CD163: variants seen among roughly 807,000 people sequenced by gnomAD.
CD163 encodes the protein CD163 molecule.
CD163 carries 64 observed loss-of-function variants against 129.2 expected under a neutral mutation model. The observed-to-expected ratio is 0.50, with a 90% CI of 0.41 to 0.61. The LOEUF (loss-of-function observed/expected upper bound fraction) is 0.61. Ranked by LOEUF, CD163 falls within the 20% of genes least tolerant of loss-of-function variation. The probability of loss-of-function intolerance (pLI) is 0.00; values close to 1 mark genes in which losing one functional copy is unlikely to be tolerated. For missense variants in CD163, 1,061 were observed against 1,377.9 expected (o/e 0.77, Z 3.64); for synonymous variants, 446 against 478.5 (o/e 0.93, Z 0.89).
chr12:7,493,495 CTATT>C (rs1949352957), intron 6 of CD163, among the ~76,000 whole-genome samples: 1 of 152,136 alleles, frequency 6.6e-6, no homozygotes, highest in Non-Finnish European at 1.5e-5. Context: ...AACTGCTTAT[CTATT>C]TGACTAATTT....
chr12:7,475,850 C>T (rs1039673728), intron 16 of CD163, among the ~76,000 whole-genome samples: 5 of 152,092 alleles, frequency 3.3e-5, no homozygotes, highest in Admixed American at 6.5e-5. Flanking sequence ...ATTGTCTCAG[C>T]CGAAAAACTC....
At chr12:7,493,702 T>C (rs561243950) in intron 6 of CD163, among the ~76,000 whole-genome samples, 50 of 152,084 alleles carry the variant, frequency 3.3e-4, no homozygotes, top group African/African-American at 1.1e-3. Context: ...AAACTTAAGA[T>C]TCAACTCAAG....
chr12:7,482,604 T>C, intron 14 of CD163, 39 bp downstream of exon 14: 1 of 1,610,590 alleles, frequency 6.2e-7, no homozygotes. Flanking sequence ...AACCCCCTTA[T>C]CCTGTAGACA....
intron 11 of CD163, among the ~76,000 whole-genome samples, 181 bp from the exon 12 acceptor site, chr12:7,483,856 T>TA (rs1949204501): frequency 1.4e-5 from 2 of 141,054 alleles, no homozygotes; most frequent in East Asian, 4.1e-4. Flanking sequence ...TTTTTTTTTT[T>TA]TTGAGACAGA....
In CD163 at chr12:7,486,354, AACCCAG is replaced by A. The variant is rs1371353186; in HGVS notation, c.2458+139_2458+144del. The A allele has an allele frequency of 4.0e-6, 3 of 751,234 alleles. No individual in the cohort carries two copies. In the African/African-American group the frequency reaches 5.3e-5, roughly 13 times the overall value. 46.5% of individuals were successfully genotyped at this position (751,234 alleles called of 1,614,324 possible). ...CTCATGAAGTACCACTAGCACATCAAACCCAGACTTCTGTTGTCCTGACTCCCACAA... is the reference window on the plus strand; with the variant it reads ...CTCATGAAGTACCACTAGCACATCAAACTTCTGTTGTCCTGACTCCCACAA... On this transcript the variant is annotated intron_variant, in intron 10 of 16. Transcript: ENST00000432237.
intron 6 of CD163, among the ~76,000 whole-genome samples, chr12:7,489,510 A>G (rs1001337455): frequency 6.6e-6 from 1 of 152,080 alleles, no homozygotes; most frequent in Non-Finnish European, 1.5e-5. Flanking sequence ...AATTAATCCA[A>G]AAGTATCAAT....
At chr12:7,498,793 T>C in intron 4 of CD163, 75 bp downstream of exon 4, 1 of 1,339,300 alleles carries the variant, frequency 7.5e-7, no homozygotes, top group Non-Finnish European at 1.0e-6. Flanking sequence ...TCTTAAGAGT[T>C]CAGGCTCTTA....
At chr12:7,477,180 C>A (rs1432060246) in intron 16 of CD163, among the ~76,000 whole-genome samples, 1 of 152,148 alleles carries the variant, frequency 6.6e-6, no homozygotes, top group African/African-American at 2.4e-5. Context: ...GACAATGTAG[C>A]AATTCCTCAA....
chr12:7,485,524 A>C lies in CD163; in HGVS notation c.2459-108T>G. 1.5e-6 allele frequency: 1 copy of C among 676,920 alleles called. No individual in the cohort carries two copies. Among genetic ancestry groups the C allele is most frequent in the South Asian group, 2.3e-5 (1 of 42,658 alleles). 41.9% of individuals were successfully genotyped at this position (676,920 alleles called of 1,614,324 possible). On this transcript the variant is annotated intron_variant, in intron 10 of 16. Transcript: ENST00000432237. The surrounding 1 kb of genome is among the most constrained non-coding windows in gnomAD (Gnocchi z 4.5). ...GCTTTAAAAATAGGTACAATAGTAC[A>C]ATATGTCAGTTACTAATAATTCGTT...
chr12:7,475,239 G>A (rs566866029), intron 16 of CD163, among the ~76,000 whole-genome samples: 44 of 151,832 alleles, frequency 2.9e-4, no homozygotes, highest in Non-Finnish European at 6.0e-4. Context: ...CTCATTTTAT[G>A]AGGTCAGCAT....
intron 6 of CD163, among the ~76,000 whole-genome samples, chr12:7,493,397 C>G (rs954226863): frequency 5.9e-5 from 9 of 152,170 alleles, no homozygotes; most frequent in African/African-American, 2.2e-4. Context: ...GGTGGCTTAT[C>G]CTTCCTGTCC....
chr12:7,486,770 A>T lies in CD163; in HGVS notation c.2187T>A (p.Ala729=), dbSNP rs1949255789. 5.0e-6 allele frequency: 8 copies of T among 1,613,050 alleles called. No individual in the cohort carries two copies. Among genetic ancestry groups the T allele is most frequent in the Non-Finnish European group, 6.8e-6 (8 of 1,179,096 alleles). ...LRLVNGGGRC[A]GRVEIYHEGS... ...CCTCATGATAGATCTCTACTCTCCC[A>T]GCACAGCGACCTCCTCCATTTACCA... The change falls in exon 10 of 17, where the codon GCT becomes GCA. Residue 729 remains alanine (A), a synonymous_variant. Transcript: ENST00000432237.
At chr12:7,479,221 A>G (rs1949128001) in intron 16 of CD163, among the ~76,000 whole-genome samples, 1 of 152,096 alleles carries the variant, frequency 6.6e-6, no homozygotes, top group Non-Finnish European at 1.5e-5. Context: ...AGACTATGAT[A>G]TCTTTTATTA....
intron 4 of CD163, among the ~76,000 whole-genome samples, chr12:7,498,171 A>G (rs1306290668): frequency 2.0e-5 from 3 of 151,832 alleles, no homozygotes; most frequent in Admixed American, 2.0e-4. Flanking sequence ...AGAGAGAGAA[A>G]GGGATCTGGT....
chr12:7,483,922 G>C (rs1346208247), intron 11 of CD163, among the ~76,000 whole-genome samples: 14 of 142,740 alleles, frequency 9.8e-5, no homozygotes, highest in Admixed American at 7.2e-5. Context: ...CTCACTGCAA[G>C]CTCCGCCTCC....
rs775082662 is a variant in CD163 at position 7,483,485 on chromosome 12, C to A, written c.2970G>T (p.Pro990=). ...TGCACTTCACTTCATTGAGCCATAT[C>A]GGTCCAGTCCCCTGACCAAACTCTG... ...KEAEFGQGTG[P]IWLNEVKCKG... The change falls in exon 12 of 17, where the codon CCG becomes CCT. Residue 990 remains proline (P), a synonymous_variant. Coordinates refer to ENST00000432237, the MANE Select transcript of CD163 (RefSeq NM_203416.4). The A allele has an allele frequency of 1.9e-6, 3 of 1,614,052 alleles. No individual in the cohort carries two copies. Among genetic ancestry groups the A allele is most frequent in the East Asian group, 4.5e-5 (2 of 44,858 alleles).
In CD163 at chr12:7,495,288, T is replaced by C. The variant is rs1473165943; in HGVS notation, c.1213A>G (p.Lys405Glu). The C allele has an allele frequency of 6.2e-7, 1 of 1,614,090 alleles. No homozygotes were observed. The change falls in exon 6 of 17, where the codon AAA becomes GAA. Residue 405 changes from lysine (K) to glutamate (E), a missense_variant. By Grantham distance (56) the Lys-to-Glu change is moderately conservative. Coordinates refer to ENST00000432237, the MANE Select transcript of CD163 (RefSeq NM_203416.4). Reference protein sequence around the residue: ...GKVCDRGWGLKEADVVCRQLG... With the variant: ...GKVCDRGWGLEEADVVCRQLG... ...TGCCTGCAAACCACATCAGCTTCTTTCAGTCCCCAGCCTCTGTCACACACC... is the reference window on the plus strand; with the variant it reads ...TGCCTGCAAACCACATCAGCTTCTTCCAGTCCCCAGCCTCTGTCACACACC...
rs1949195444 is a variant in CD163, at chr12:7,483,648, G to A, written c.2807C>T (p.Thr936Ile). 1 of 1,613,104 alleles carries A rather than the reference G, an allele frequency of 6.2e-7. No homozygotes were observed. Among genetic ancestry groups the A allele is most frequent in the Admixed American group, 1.7e-5 (1 of 59,924 alleles). ...GATCTCCACACGTCCAGAACAGGAA[G>A]TGGGTCCTTCCTGAAGTCTTATCTT... ...DNKIRLQEGP[T>I]SCSGRVEIWH... The change falls in exon 12 of 17, where the codon ACT (threonine) becomes ATT (isoleucine). Residue 936 changes from threonine (T) to isoleucine (I), a missense_variant. Coordinates refer to ENST00000432237, the MANE Select transcript of CD163 (RefSeq NM_203416.4).
chr12:7,491,149 AC>A (rs1171363470), intron 6 of CD163, among the ~76,000 whole-genome samples: 1 of 152,062 alleles, frequency 6.6e-6, no homozygotes, highest in Non-Finnish European at 1.5e-5. Flanking sequence ...AAACAAACAA[AC>A]AAACAAAAAT....
Sources: gnomAD v4.1 joint callset for allele counts (sites outside exome capture counted in the v4.1 genomes callset) on GRCh38, gnomAD v4.1.1 for gene constraint, Gnocchi (gnomAD v3.1) non-coding constraint, MANE v1.5 for transcripts, NCBI Gene and HGNC (gene_info 2026-07-23, HGNC 2026-07-21) for gene names.